CSMD3: variants seen among roughly 807,000 people sequenced by gnomAD.
CSMD3 encodes the protein CUB and Sushi multiple domains 3, also known as CUB and sushi domain-containing protein 3.
In CSMD3, 177 loss-of-function variants were observed where a neutral mutation model predicts 435.2. The ratio of observed to expected loss-of-function variants is 0.41; its 90% confidence interval spans 0.36 to 0.46. The LOEUF (loss-of-function observed/expected upper bound fraction) is 0.46, where lower values mean the gene tolerates loss of function less well. Among genes scored for constraint, CSMD3 ranks in the 20% least tolerant of loss-of-function variants. CSMD3 has a pLI of 0.34. For missense variants in CSMD3, 4,265 were observed against 4,504.6 expected, an observed-to-expected ratio of 0.95 and a Z score of 1.52; for synonymous variants, 1,656 against 1,520.5, an observed-to-expected ratio of 1.09 and a Z score of -2.07.
intron 1 of CSMD3, among the ~76,000 whole-genome samples, chr8:113,386,274 T>C (rs1278571723): frequency 2.0e-5 from 3 of 151,956 alleles, no homozygotes; most frequent in African/African-American, 4.8e-5. Flanking sequence ...TAAAGATGAC[T>C]TCCTGGATTT....
chr8:112,308,144 T>A (rs908070459), intron 50 of CSMD3, among the ~76,000 whole-genome samples: 1 of 152,172 alleles, frequency 6.6e-6, no homozygotes, highest in Non-Finnish European at 1.5e-5. Flanking sequence ...TTATTATCCC[T>A]GCTTTCTAAT....
chr8:112,445,978 C>T lies in CSMD3; in HGVS notation c.5395+26613G>A, dbSNP rs537612303. 6.6e-5 allele frequency among the ~76,000 whole-genome samples: 10 copies of T among 152,194 alleles called. No homozygotes were observed. The East Asian group carries it at 1.3e-3, about 21-fold the overall frequency. Reference sequence around the variant, plus strand: ...AGAGCATATATTATTAAAACTTTTTCTTAAATAATTCTAGAAAGAGGTAAA... The same window carrying T: ...AGAGCATATATTATTAAAACTTTTTTTTAAATAATTCTAGAAAGAGGTAAA... On this transcript the variant is annotated intron_variant, in intron 32 of 70. Transcript: ENST00000297405.
chr8:112,523,491 G>A (rs1243864148), intron 27 of CSMD3, among the ~76,000 whole-genome samples: 2 of 151,810 alleles, frequency 1.3e-5, no homozygotes, highest in South Asian at 4.1e-4. Context: ...GGCCAAATTT[G>A]GTATTCACAG....
chr8:113,369,228 T>A (rs2094332572), intron 1 of CSMD3, among the ~76,000 whole-genome samples: 1 of 151,922 alleles, frequency 6.6e-6, no homozygotes, highest in South Asian at 2.1e-4. Flanking sequence ...TCCCAAGGAC[T>A]GTGTGATGAT....
At chr8:112,774,974 A>T (rs2078209201) in intron 13 of CSMD3, among the ~76,000 whole-genome samples, 1 of 151,958 alleles carries the variant, frequency 6.6e-6, no homozygotes, top group South Asian at 2.1e-4. Flanking sequence ...TGCTTCAGAA[A>T]TAATAAGTAC....
intron 24 of CSMD3, among the ~76,000 whole-genome samples, chr8:112,569,551 T>G (rs1403050890): frequency 6.6e-6 from 1 of 152,210 alleles, no homozygotes; most frequent in African/African-American, 2.4e-5. Context: ...TTTTTCATTT[T>G]ATCTCAGCCA....
intron 3 of CSMD3, among the ~76,000 whole-genome samples, chr8:113,197,721 G>A (rs1375411145): frequency 6.6e-6 from 1 of 151,128 alleles, no homozygotes; most frequent in Non-Finnish European, 1.5e-5. Context: ...TTATAGTACA[G>A]AATATTTTAT....
At chr8:113,097,664 T>C (rs556942748) in intron 5 of CSMD3, among the ~76,000 whole-genome samples, 1 of 152,160 alleles carries the variant, frequency 6.6e-6, no homozygotes, top group East Asian at 1.9e-4. Context: ...AGTTGTCTAG[T>C]AGATGGCTTT....
chr8:112,731,344 G>C (rs2077070814), intron 13 of CSMD3, among the ~76,000 whole-genome samples: 1 of 152,106 alleles, frequency 6.6e-6, no homozygotes, highest in Non-Finnish European at 1.5e-5. Context: ...AAATAGCATA[G>C]AGAATCTGTG....
intron 1 of CSMD3, among the ~76,000 whole-genome samples, chr8:113,434,106 C>T (rs2094691118): frequency 6.6e-6 from 1 of 152,222 alleles, no homozygotes; most frequent in African/African-American, 2.4e-5. Flanking sequence ...GAGGCGTTTC[C>T]TCCCACTAAG....
At chr8:112,603,214 T>A (rs1262919915) in intron 22 of CSMD3, among the ~76,000 whole-genome samples, 1 of 152,244 alleles carries the variant, frequency 6.6e-6, no homozygotes. Flanking sequence ...GTGACATTTT[T>A]CTGCTTCTTG....
chr8:113,122,538 T>A (rs555975533), intron 4 of CSMD3, among the ~76,000 whole-genome samples: 4 of 152,212 alleles, frequency 2.6e-5, no homozygotes, highest in African/African-American at 9.6e-5. Context: ...CCAGGAATAT[T>A]TCAGCAGGCC....
At chr8:112,742,015 G>C (rs1158354859) in intron 13 of CSMD3, among the ~76,000 whole-genome samples, 1 of 151,822 alleles carries the variant, frequency 6.6e-6, no homozygotes, top group Non-Finnish European at 1.5e-5. Context: ...CTCTTCTTAA[G>C]AGATAGGAAG....
intron 8 of CSMD3, among the ~76,000 whole-genome samples, chr8:112,952,122 T>C (rs1401015942): frequency 6.6e-6 from 1 of 151,050 alleles, no homozygotes; most frequent in Admixed American, 6.6e-5. Flanking sequence ...ACGGGGTAGA[T>C]AGGGGCAATT....
At chr8:112,904,097 T>A (rs979471742) in intron 10 of CSMD3, among the ~76,000 whole-genome samples, 2 of 151,424 alleles carry the variant, frequency 1.3e-5, no homozygotes, top group South Asian at 2.1e-4. Flanking sequence ...CCCAGAGACA[T>A]GATGTTTAGC....
At chr8:112,850,398 G>A (rs914412841) in intron 11 of CSMD3, among the ~76,000 whole-genome samples, 1 of 152,136 alleles carries the variant, frequency 6.6e-6, no homozygotes, top group South Asian at 2.1e-4. Context: ...ACAGCCAAAT[G>A]CTTTGCAGAA....
At chr8:112,726,661 C>A (rs1455814923) in intron 13 of CSMD3, among the ~76,000 whole-genome samples, 2 of 151,804 alleles carry the variant, frequency 1.3e-5, no homozygotes, top group African/African-American at 4.8e-5. Flanking sequence ...ATTACTCATC[C>A]AACCAACAGG....
chr8:112,824,145 C>T (rs918590072), intron 12 of CSMD3, among the ~76,000 whole-genome samples: 1 of 151,912 alleles, frequency 6.6e-6, no homozygotes, highest in African/African-American at 2.4e-5. Flanking sequence ...GATTTCAACC[C>T]CTGCTTTTTT....
intron 13 of CSMD3, among the ~76,000 whole-genome samples, chr8:112,749,484 T>C (rs528293958): frequency 4.6e-5 from 7 of 152,288 alleles, no homozygotes; most frequent in Non-Finnish European, 8.8e-5. Context: ...AATAGCCATA[T>C]GCAGAAGATT....
Sources: gnomAD v4.1 joint callset for allele counts (sites outside exome capture counted in the v4.1 genomes callset) on GRCh38, gnomAD v4.1.1 for gene constraint, MANE v1.5 for transcripts, NCBI Gene and HGNC (gene_info 2026-07-23, HGNC 2026-07-21) for gene names.